Variants in SLC5A9 observed in about 807,000 individuals in gnomAD.
SLC5A9 encodes the protein solute carrier family 5 member 9, also known as sodium/glucose cotransporter 4.
In SLC5A9, 59 loss-of-function variants were observed where a neutral mutation model predicts 70.9. The observed-to-expected ratio is 0.83, with a 90% confidence interval of 0.68 to 1.03. The LOEUF is 1.03. SLC5A9 is among the 50% of genes least tolerant of loss of function. The probability of loss-of-function intolerance (pLI) is 0.00; values close to 1 mark genes in which losing one functional copy is unlikely to be tolerated. For synonymous variants in SLC5A9, 340 were observed against 346.5 expected (o/e 0.98, Z 0.21); for missense variants, 832 against 881.1 (o/e 0.94, Z 0.71).
chr1:48,223,306 T>A (rs1557463204), intron 1 of SLC5A9, among the ~76,000 whole-genome samples: 1 of 152,122 alleles, frequency 6.6e-6, no homozygotes, highest in South Asian at 2.1e-4. Flanking sequence ...GATTTCTAAA[T>A]GAGAAGGGGC....
At chr1:48,241,830 CT>C (rs1321294598) in intron 12 of SLC5A9, 4 of 429,886 alleles carry the variant, frequency 9.3e-6, no homozygotes, top group Non-Finnish European at 1.9e-5. Flanking sequence ...CACTACATGT[CT>C]GGTCACCCAA....
chr1:48,242,531 GGA>G lies in SLC5A9; in HGVS notation c.1755_1756del (p.Glu585AspfsTer27). ...LEKEAHESTP[E>X]ISERPAGECP... ...AGAAGGAGGCCCACGAGAGCACACCGGAGATATCCGAGAGGCCAGCCGGGGAG... is the reference window on the plus strand; with the variant it reads ...AGAAGGAGGCCCACGAGAGCACACCGGATATCCGAGAGGCCAGCCGGGGAG... On this transcript the variant is annotated frameshift_variant, in exon 13 of 14. Coordinates refer to ENST00000438567, the MANE Select transcript of SLC5A9 (RefSeq NM_001011547.3). LOFTEE classifies it high-confidence loss of function. The G allele has an allele frequency of 6.2e-7, 1 of 1,613,820 alleles. No homozygotes were observed. Among genetic ancestry groups the G allele is most frequent in the South Asian group, 1.1e-5 (1 of 91,058 alleles).
rs1644368687 is a variant in SLC5A9 at position 48,239,517 on chromosome 1, A to G, written c.1657A>G (p.Thr553Ala). 1 of 1,613,592 alleles carries G rather than the reference A, an allele frequency of 6.2e-7. No individual in the cohort carries two copies. The change falls in exon 12 of 14, where the codon ACT becomes GCT. Residue 553 changes from threonine to alanine, a missense_variant. Coordinates refer to ENST00000438567, the MANE Select transcript of SLC5A9 (RefSeq NM_001011547.3). This position sits in a 1 kb window ranked among gnomAD's most constrained non-coding sequence, Gnocchi z 4.2. Reference protein sequence around the residue: ...IVIVIVSLCTTPIPEEQLTRL... With the variant: ...IVIVIVSLCTAPIPEEQLTRL... Reference sequence around the variant, plus strand: ...CATTGTCATTGTCAGCCTCTGTACAACTCCCATCCCTGAGGAACAGGCAAG... The same window carrying G: ...CATTGTCATTGTCAGCCTCTGTACAGCTCCCATCCCTGAGGAACAGGCAAG...
chr1:48,231,601 G>A lies in SLC5A9; in HGVS notation c.667G>A (p.Gly223Arg), dbSNP rs1421056338. Residue 223 changes from glycine to arginine, a missense_variant, in exon 6 of 14, where the codon GGA becomes AGA. Transcript: ENST00000438567. ...DALQTVIMVG[G>R]ALVLMFLGFQ... ...TCTGCAGACGGTGATCATGGTAGGG[G>A]GAGCCCTGGTCCTCATGTTTCTGGG... 2 of 1,614,162 alleles carry A rather than the reference G, an allele frequency of 1.2e-6. No individual in the cohort carries two copies. The highest frequency in any genetic ancestry group is 1.7e-5 in the Admixed American group (1 of 60,022).
intron 12 of SLC5A9, 92 bp from the exon 13 acceptor site, chr1:48,242,365 T>G: frequency 6.9e-7 from 1 of 1,443,912 alleles, no homozygotes. Context: ...TCTTTGCTTT[T>G]GCTCAGATGG....
chr1:48,247,896 G>C lies in SLC5A9; in HGVS notation c.*353G>C. 1 of 232,004 alleles carries C rather than the reference G, an allele frequency of 4.3e-6. No individual in the cohort carries two copies. Among genetic ancestry groups the C allele is most frequent in the Non-Finnish European group, 8.5e-6 (1 of 117,198 alleles). 14.4% of individuals were successfully genotyped at this position (232,004 alleles called of 1,614,324 possible). ...GTGTCTTGAGAGTAGAAAAATGGAG[G>C]ATACAAGAAAAGGAGCAGGAAGAAA... is the stretch of plus-strand genomic sequence containing the variant. On this transcript the variant is annotated 3_prime_UTR_variant, in exon 14 of 14. Transcript: ENST00000438567.
chr1:48,229,662 G>C (rs1439081050), intron 4 of SLC5A9: 1 of 689,876 alleles, frequency 1.4e-6, no homozygotes, highest in African/African-American at 1.8e-5. Context: ...TGGAGTGAAT[G>C]ACAGCCCCTA....
chr1:48,229,162 T>G (rs757722210), intron 3 of SLC5A9, 133 bp from the exon 4 acceptor site: 2 of 1,613,910 alleles, frequency 1.2e-6, no homozygotes, highest in Non-Finnish European at 1.7e-6. Context: ...ACGGGAGGAC[T>G]GGGGTCAGGT....
chr1:48,231,650 C>G (rs1184768762), intron 6 of SLC5A9, 25 bp downstream of exon 6: 1 of 1,613,008 alleles, frequency 6.2e-7, no homozygotes, highest in Non-Finnish European at 8.5e-7. Context: ...TAAATATACC[C>G]CACTGTCATT....
intron 2 of SLC5A9, among the ~76,000 whole-genome samples, chr1:48,227,329 C>CAT (rs1644172029): frequency 1.0e-5 from 1 of 97,056 alleles, no homozygotes; most frequent in Non-Finnish European, 2.0e-5. Context: ...GGCGTGAGTG[C>CAT]ATGTGTGTGT....
In SLC5A9 at chr1:48,242,014, A is replaced by G. The variant is rs116792154; in HGVS notation, c.1678-443A>G. The G allele has an allele frequency of 1.6e-3, 737 of 456,654 alleles. 5 individuals carry two copies. Among genetic ancestry groups the G allele is most frequent in the African/African-American group, 0.013 (677 of 50,172 alleles). The allele number at this position is 456,654 out of a possible 1,614,324, so 28.3% of individuals were successfully genotyped here. On this transcript the variant is annotated intron_variant, in intron 12 of 13. Transcript: ENST00000438567. ...GACCCCTTTCAATTCACTCCAAGAG[A>G]ACTTTGAAGATCCTGGCACTTACAG...
In SLC5A9 at chr1:48,239,630, A is replaced by T. The variant is rs943898971; in HGVS notation, c.1677+93A>T. 68 of 1,238,266 alleles carry T rather than the reference A, an allele frequency of 5.5e-5. No individual in the cohort carries two copies. The highest frequency in any genetic ancestry group is 7.2e-5 in the Non-Finnish European group (61 of 852,388). The allele number at this position is 1,238,266 out of a possible 1,614,324, so 76.7% of individuals were successfully genotyped here. A position where few individuals can be genotyped will look rare whatever the true frequency, so the allele number is the denominator to read the frequency against. On this transcript the variant is annotated intron_variant, in intron 12 of 13. Coordinates refer to ENST00000438567, the MANE Select transcript of SLC5A9 (RefSeq NM_001011547.3). The surrounding 1 kb of genome is among the most constrained non-coding windows in gnomAD (Gnocchi z 4.2). ...CTGCTGACTTTTACTCTGTTGGGTT[A>T]TGGTCTCCCCTGTGGCCACACAGAT...
At chr1:48,225,123 C>T (rs1035131906) in intron 2 of SLC5A9, among the ~76,000 whole-genome samples, 34 of 152,222 alleles carry the variant, frequency 2.2e-4, no homozygotes, top group Admixed American at 5.9e-4. Context: ...AAACATCATG[C>T]GCACTGCTGA....
In SLC5A9 at chr1:48,237,834, G is replaced by A; in HGVS notation, c.1448G>A (p.Arg483Lys). 1 of 1,614,088 alleles carries A rather than the reference G, an allele frequency of 6.2e-7. No individual in the cohort carries two copies. Among genetic ancestry groups the A allele is most frequent in the Non-Finnish European group, 8.5e-7 (1 of 1,180,020 alleles). Reference protein sequence around the residue: ...ALFLLAIFCKRVTEPGAFWGL... With the variant: ...ALFLLAIFCKKVTEPGAFWGL... Reference sequence around the variant, plus strand: ...TTCCTGCTGGCCATCTTCTGCAAGAGGGTCACAGAGCCCGTGAGTGCAGTG... The same window carrying A: ...TTCCTGCTGGCCATCTTCTGCAAGAAGGTCACAGAGCCCGTGAGTGCAGTG... The change falls in exon 11 of 14, where the codon AGG becomes AAG. Residue 483 changes from arginine (R) to lysine (K), a missense_variant. Transcript: ENST00000438567.
chr1:48,243,072 C>G (rs1471010067), intron 13 of SLC5A9, among the ~76,000 whole-genome samples: 1 of 152,076 alleles, frequency 6.6e-6, no homozygotes, highest in African/African-American at 2.4e-5. Context: ...TGAATGAGTA[C>G]AAGGGCAGAA....
At chr1:48,244,178 T>G (rs1270941028) in intron 13 of SLC5A9, among the ~76,000 whole-genome samples, 1 of 152,208 alleles carries the variant, frequency 6.6e-6, no homozygotes, top group African/African-American at 2.4e-5. Context: ...CCTCAGCAGC[T>G]GCAGCTGCTT....
chr1:48,237,627 C>G (rs1003925455), intron 10 of SLC5A9, 52 bp from the exon 11 acceptor site: 67 of 1,588,396 alleles, frequency 4.2e-5, no homozygotes, highest in Non-Finnish European at 5.6e-5. Context: ...TCACCCCACA[C>G]CACACCATGC....
chr1:48,234,218 G>C (rs1254019003), intron 9 of SLC5A9, among the ~76,000 whole-genome samples: 1 of 152,226 alleles, frequency 6.6e-6, no homozygotes, highest in East Asian at 1.9e-4. Flanking sequence ...ATGAGAAGCT[G>C]TGCGTGCAAA....
In SLC5A9 at chr1:48,232,396, G is replaced by C. The variant is rs749654304; in HGVS notation, c.927G>C (p.Lys309Asn). Reference protein sequence around the residue: ...QVIVQRSLSAKSLSHAKGGSV... With the variant: ...QVIVQRSLSANSLSHAKGGSV... ...TTGTGCAGCGGTCTCTCTCGGCCAA[G>C]AGTCTGTCTCATGCCAAGGGAGGCT... The change falls in exon 8 of 14, where the codon AAG (lysine) becomes AAC (asparagine). Residue 309 changes from lysine to asparagine, a missense_variant. Physicochemically the swap from Lys to Asn is moderately conservative, Grantham distance 94. Transcript: ENST00000438567. 2 of 1,614,158 alleles carry C rather than the reference G, an allele frequency of 1.2e-6. No individual in the cohort carries two copies. Among genetic ancestry groups the C allele is most frequent in the Non-Finnish European group, 1.7e-6 (2 of 1,180,036 alleles).
Sources: gnomAD v4.1 joint callset for allele counts (sites outside exome capture counted in the v4.1 genomes callset) on GRCh38, gnomAD v4.1.1 for gene constraint, Gnocchi (gnomAD v3.1) non-coding constraint, MANE v1.5 for transcripts, NCBI Gene and HGNC (gene_info 2026-07-23, HGNC 2026-07-21) for gene names.